Variants in CAV3 observed in about 807,000 individuals in gnomAD.
CAV3 encodes the protein caveolin-3.
A neutral mutation model predicts 13.4 loss-of-function variants in CAV3; 10 were observed. The ratio of observed to expected loss-of-function variants is 0.75; its 90% CI spans 0.46 to 1.27. The LOEUF (loss-of-function observed/expected upper bound fraction) is 1.27, where lower values mean the gene tolerates loss of function less well. Among genes scored for constraint, CAV3 ranks in the 50% most tolerant of loss-of-function variants. The pLI is 0.00. For synonymous variants in CAV3, 90 were observed against 79.0 expected, an observed-to-expected ratio of 1.14 and a Z score of -0.74; for missense variants, 162 against 194.0, an observed-to-expected ratio of 0.83 and a Z score of 0.98.
intron 1 of CAV3, among the ~76,000 whole-genome samples, chr3:8,738,212 C>G (rs1246619813): frequency 6.6e-6 from 1 of 152,202 alleles, no homozygotes; most frequent in East Asian, 1.9e-4. Context: ...GCCCTTCAAG[C>G]AGGGGAAGGA....
intron 1 of CAV3, among the ~76,000 whole-genome samples, chr3:8,734,619 G>A (rs960631278): frequency 7.2e-5 from 11 of 152,188 alleles, no homozygotes; most frequent in East Asian, 3.9e-4. Flanking sequence ...GTCTCTCAGC[G>A]TCTGAAGTTG....
At position 8,733,988 on chromosome 3, in the gene CAV3, A is replaced by C; in HGVS notation, c.112A>C (p.Lys38Gln). 6.3e-7 allele frequency: 1 copy of C among 1,587,294 alleles called. No homozygotes were observed. The highest frequency in any genetic ancestry group is 1.3e-5 in the African/African-American group (1 of 74,098). ...DPKNINEDIV[K>Q]VDFEDVIAEP... Reference sequence around the variant, plus strand: ...CAAGAACATTAACGAGGACATAGTCAAGGTAGGCTCTGCAGGCCTGCCTCG... The same window carrying C: ...CAAGAACATTAACGAGGACATAGTCCAGGTAGGCTCTGCAGGCCTGCCTCG... Residue 38 changes from lysine to glutamine, a missense_variant and splice_region_variant, in exon 1 of 2, where the codon AAG becomes CAG. Lys to Gln is a moderately conservative substitution (Grantham distance 53, BLOSUM62 1). Transcript: ENST00000343849.
chr3:8,735,887 T>C (rs1418004290), intron 1 of CAV3, among the ~76,000 whole-genome samples: 2 of 152,198 alleles, frequency 1.3e-5, no homozygotes, highest in African/African-American at 4.8e-5. Context: ...TCCAGGCAAT[T>C]AGTTGCTCCC....
At chr3:8,738,491 A>C (rs913829800) in intron 1 of CAV3, among the ~76,000 whole-genome samples, 17 of 152,204 alleles carry the variant, frequency 1.1e-4, no homozygotes, top group African/African-American at 3.9e-4. Context: ...AGATGAGAGG[A>C]GAACAATGAG....
At position 8,745,684 on chromosome 3, in the gene CAV3, G is replaced by C; in HGVS notation, c.273G>C (p.Leu91=). ...CACTGGCCCTGCTCTGGGGCTTCCTGTTCGCCTGCATCTCCTTCTGCCACA... is the reference window on the plus strand; with the variant it reads ...CACTGGCCCTGCTCTGGGGCTTCCTCTTCGCCTGCATCTCCTTCTGCCACA... ...GVPLALLWGF[L]FACISFCHIW... Residue 91 remains leucine (L), a synonymous_variant, in exon 2 of 2, where the codon CTG becomes CTC. Transcript: ENST00000343849. The surrounding 1 kb of genome is among the most constrained non-coding windows in gnomAD (Gnocchi z 4.8). 1 of 1,614,174 alleles carries C rather than the reference G, an allele frequency of 6.2e-7. No individual in the cohort carries two copies.
chr3:8,742,475 G>C, intron 1 of CAV3: 1 of 456,614 alleles, frequency 2.2e-6, no homozygotes, highest in South Asian at 1.5e-5. Flanking sequence ...AAGGAAAGGA[G>C]GACTCCATCC....
chr3:8,734,777 C>A (rs1362105879), intron 1 of CAV3, among the ~76,000 whole-genome samples: 1 of 152,180 alleles, frequency 6.6e-6, no homozygotes, highest in Non-Finnish European at 1.5e-5. Flanking sequence ...GGAGTGCAGT[C>A]GCACACTCAC....
In CAV3 at chr3:8,745,900, G is replaced by C. The variant is rs1303315199; in HGVS notation, c.*33G>C. 6.3e-7 allele frequency: 1 copy of C among 1,580,964 alleles called. No homozygotes were observed. Among genetic ancestry groups the C allele is most frequent in the Admixed American group, 1.7e-5 (1 of 59,678 alleles). ...TGGGGCAACAGCGGTGGCAGGGCAG[G>C]GGGTGGTGGGCCAGACTGGTCCCCG... On this transcript the variant is annotated 3_prime_UTR_variant, in exon 2 of 2. Coordinates refer to ENST00000343849, the MANE Select transcript of CAV3 (RefSeq NM_033337.3). This position sits in a 1 kb window ranked among gnomAD's most constrained non-coding sequence, Gnocchi z 4.8.
In CAV3 at chr3:8,745,863, T is replaced by C; in HGVS notation, c.452T>C (p.Val151Ala). The stretch of plus-strand genomic sequence containing the variant: ...ATCAAGGTGGTGCTGCGGAAGGAGG[T>C]CTAAAGCCAGGTGGGGCAACAGCGG... ...SSIKVVLRKE[V>A] The change falls in exon 2 of 2, where the codon GTC (valine) becomes GCC (alanine). Residue 151 changes from valine (V) to alanine (A), a missense_variant. Val to Ala is a moderately conservative substitution (Grantham distance 64, BLOSUM62 0). Transcript: ENST00000343849. The surrounding 1 kb of genome is among the most constrained non-coding windows in gnomAD (Gnocchi z 4.8). 6.2e-7 allele frequency: 1 copy of C among 1,609,526 alleles called. No homozygotes were observed. Among genetic ancestry groups the C allele is most frequent in the South Asian group, 1.1e-5 (1 of 91,038 alleles).
At chr3:8,742,752 A>G (rs1053293450) in intron 1 of CAV3, 5 of 299,454 alleles carry the variant, frequency 1.7e-5, no homozygotes, top group East Asian at 9.1e-5. Flanking sequence ...GGATGGATGG[A>G]TGAAAGGATG....
chr3:8,733,838 C>A lies in CAV3; in HGVS notation c.-39C>A. On this transcript the variant is annotated 5_prime_UTR_variant, in exon 1 of 2. Coordinates refer to ENST00000343849, the MANE Select transcript of CAV3 (RefSeq NM_033337.3). ...GTATTTTCAGCCCCAGCCGGCCACA[C>A]AGCTCGGATCTCCTCCTGTGGATCC... 1 of 1,310,666 alleles carries A rather than the reference C, an allele frequency of 7.6e-7. No homozygotes were observed. Among genetic ancestry groups the A allele is most frequent in the Non-Finnish European group, 1.1e-6 (1 of 904,618 alleles). The allele number at this position is 1,310,666 out of a possible 1,614,324, so 81.2% of individuals were successfully genotyped here.
In CAV3 at chr3:8,745,898, A is replaced by C. The variant is rs767886513; in HGVS notation, c.*31A>C. The C allele has an allele frequency of 1.9e-6, 3 of 1,556,624 alleles. No individual in the cohort carries two copies. The East Asian group carries it at 6.8e-5, about 35-fold the overall frequency. ...GGTGGGGCAACAGCGGTGGCAGGGC[A>C]GGGGGTGGTGGGCCAGACTGGTCCC... On this transcript the variant is annotated 3_prime_UTR_variant, in exon 2 of 2. Coordinates refer to ENST00000343849, the MANE Select transcript of CAV3 (RefSeq NM_033337.3). The surrounding 1 kb of genome is among the most constrained non-coding windows in gnomAD (Gnocchi z 4.8).
At position 8,737,730 on chromosome 3, in the gene CAV3, C is replaced by T. The variant is rs148120102; in HGVS notation, c.114+3740C>T. ...ACAGGCAATGTGCTGTCCCAGAGGA[C>T]GTAGTGATGAGCAGGACAGCCTCAC... On this transcript the variant is annotated intron_variant, in intron 1 of 1. Coordinates refer to ENST00000343849, the MANE Select transcript of CAV3 (RefSeq NM_033337.3). Among the ~76,000 whole-genome samples the T allele has an allele frequency of 1.6e-3, 241 of 152,276 alleles. 2 individuals carry two copies. Among genetic ancestry groups the T allele is most frequent in the African/African-American group, 5.6e-3 (234 of 41,548 alleles).
chr3:8,734,341 T>G (rs1468713861), intron 1 of CAV3, among the ~76,000 whole-genome samples: 1 of 152,132 alleles, frequency 6.6e-6, no homozygotes, highest in Non-Finnish European at 1.5e-5. Flanking sequence ...GGCGGCCAAG[T>G]TGGGCTCCTT....
At chr3:8,741,273 G>A (rs1273073128) in intron 1 of CAV3, among the ~76,000 whole-genome samples, 3 of 152,202 alleles carry the variant, frequency 2.0e-5, no homozygotes, top group Non-Finnish European at 4.4e-5. Context: ...CAGCCGTACA[G>A]TTACAAGCAC....
At position 8,745,606 on chromosome 3, in the gene CAV3, C is replaced by T; in HGVS notation, c.195C>T (p.Phe65=). Reference sequence around the variant, plus strand: ...TGTGGAAGGTGAGCTACACCACCTTCACTGTCTCCAAGTACTGGTGCTACC... The same window carrying T: ...TGTGGAAGGTGAGCTACACCACCTTTACTGTCTCCAAGTACTGGTGCTACC... ...DGVWKVSYTT[F]TVSKYWCYRL... is the part of the protein sequence containing the mutation. The change falls in exon 2 of 2, where the codon TTC becomes TTT. Residue 65 remains phenylalanine (F), a synonymous_variant. Coordinates refer to ENST00000343849, the MANE Select transcript of CAV3 (RefSeq NM_033337.3). The surrounding 1 kb of genome is among the most constrained non-coding windows in gnomAD (Gnocchi z 4.8). The T allele has an allele frequency of 6.2e-7, 1 of 1,614,164 alleles. No homozygotes were observed. Among genetic ancestry groups the T allele is most frequent in the Non-Finnish European group, 8.5e-7 (1 of 1,180,008 alleles).
intron 1 of CAV3, chr3:8,742,392 A>C (rs1708000667): frequency 5.4e-6 from 2 of 368,756 alleles, no homozygotes; most frequent in African/African-American, 2.2e-5. Flanking sequence ...AAGAAGAAGA[A>C]AGATAATTAA....
intron 1 of CAV3, chr3:8,742,670 G>T: frequency 2.9e-6 from 1 of 349,130 alleles, no homozygotes; most frequent in East Asian, 8.1e-5. Flanking sequence ...GCTAAGCACT[G>T]CTCAAGAGGT....
At chr3:8,740,106 G>C (rs1707906654) in intron 1 of CAV3, among the ~76,000 whole-genome samples, 1 of 152,238 alleles carries the variant, frequency 6.6e-6, no homozygotes, top group African/African-American at 2.4e-5. Flanking sequence ...ATTCAGCAGT[G>C]CATTTCTAAT....
Sources: allele counts gnomAD v4.1 joint callset (sites outside exome capture counted in the v4.1 genomes callset), GRCh38; gene constraint gnomAD v4.1.1; non-coding constraint Gnocchi (gnomAD v3.1); transcripts MANE v1.5; gene names NCBI Gene and HGNC (gene_info 2026-07-23, HGNC 2026-07-21).